The following CHN2 variants were observed in gnomAD, a reference collection of about 807,000 sequenced individuals.
CHN2 encodes beta-chimaerin.
CHN2 carries 35 observed loss-of-function variants against 56.3 expected under a neutral mutation model. The observed-to-expected ratio is 0.62, with a 90% CI of 0.47 to 0.82. The LOEUF (loss-of-function observed/expected upper bound fraction) is 0.82. Ranked by LOEUF, CHN2 falls within the 40% of genes least tolerant of loss-of-function variation. The pLI is 0.00. For missense variants in CHN2, 491 were observed against 580.5 expected (o/e 0.85, Z 1.58); for synonymous variants, 210 against 212.8 (o/e 0.99, Z 0.12).
intron 1 of CHN2, among the ~76,000 whole-genome samples, chr7:29,220,158 A>G (rs1425320871): frequency 6.6e-6 from 1 of 151,942 alleles, no homozygotes; most frequent in Non-Finnish European, 1.5e-5. Flanking sequence ...GAAAATAATC[A>G]GCAAATTAAA....
chr7:29,329,130 G>C (rs1200215324), intron 1 of CHN2, among the ~76,000 whole-genome samples: 1 of 152,046 alleles, frequency 6.6e-6, no homozygotes, highest in Non-Finnish European at 1.5e-5. Flanking sequence ...CAAAATGAAT[G>C]GGACAGCAGA....
intron 1 of CHN2, among the ~76,000 whole-genome samples, chr7:29,219,967 C>T (rs529422420): frequency 7.0e-4 from 106 of 152,016 alleles, no homozygotes; most frequent in South Asian, 2.7e-3. Flanking sequence ...CCCAGCTACT[C>T]GGGAGGCTGA....
chr7:29,248,765 TCTA>T, intron 1 of CHN2, among the ~76,000 whole-genome samples: 1 of 152,182 alleles, frequency 6.6e-6, no homozygotes, highest in African/African-American at 2.4e-5. Context: ...ATTCTCAGGC[TCTA>T]CTTTGAGAGA....
intron 1 of CHN2, among the ~76,000 whole-genome samples, chr7:29,342,477 T>C (rs1797116593): frequency 1.3e-5 from 2 of 152,224 alleles, no homozygotes; most frequent in South Asian, 2.1e-4. Context: ...CCATGATCTA[T>C]GGGTTGCTTT....
chr7:29,486,960 T>C (rs1182208953), intron 7 of CHN2, among the ~76,000 whole-genome samples: 1 of 152,208 alleles, frequency 6.6e-6, no homozygotes, highest in African/African-American at 2.4e-5. Context: ...AAGAAGACTT[T>C]TTGCTTCCCG....
chr7:29,148,784 G>C (rs1448701717), intron 2 of CHN2: 1 of 152,194 alleles, frequency 6.6e-6, no homozygotes, highest in South Asian at 2.1e-4. Context: ...TTGTGGGGAA[G>C]GGATGAAGGG....
chr7:29,443,893 C>T (rs1783850089), intron 6 of CHN2, among the ~76,000 whole-genome samples: 1 of 152,134 alleles, frequency 6.6e-6, no homozygotes, highest in Admixed American at 6.5e-5. Flanking sequence ...AAGAACTAGA[C>T]AAGAACTTGT....
chr7:29,333,908 G>A (rs1315323884), intron 1 of CHN2, among the ~76,000 whole-genome samples: 2 of 152,058 alleles, frequency 1.3e-5, no homozygotes, highest in African/African-American at 2.4e-5. Flanking sequence ...TAGAAAATGC[G>A]CAGTGCTGTG....
At chr7:29,494,494 G>C (rs910428380) in intron 7 of CHN2, among the ~76,000 whole-genome samples, 3 of 152,096 alleles carry the variant, frequency 2.0e-5, no homozygotes, top group East Asian at 3.9e-4. Flanking sequence ...AGGCCTCTAA[G>C]TGAATTATGA....
chr7:29,454,430 G>A (rs1784611909), intron 6 of CHN2, among the ~76,000 whole-genome samples: 1 of 152,162 alleles, frequency 6.6e-6, no homozygotes, highest in South Asian at 2.1e-4. Flanking sequence ...GAGATTTTTT[G>A]TATGTGAAGG....
At chr7:29,209,086 G>A in intron 1 of CHN2, 1 of 142,548 alleles carries the variant, frequency 7.0e-6, no homozygotes, top group South Asian at 2.2e-4. Flanking sequence ...ATGCTTAGGT[G>A]TGAACCAATC....
chr7:29,323,991 G>A lies in CHN2; in HGVS notation c.50-30634G>A, dbSNP rs565370874. On this transcript the variant is annotated intron_variant, in intron 1 of 12. Transcript: ENST00000222792. ...TGCACTCCAGCCTGGGCGACAGAGCGAGACCCCGTCTCAAAAAAACAAAAC... is the reference window on the plus strand; with the variant it reads ...TGCACTCCAGCCTGGGCGACAGAGCAAGACCCCGTCTCAAAAAAACAAAAC... Among the ~76,000 whole-genome samples the A allele has an allele frequency of 2.1e-3, 322 of 151,506 alleles. 1 individual carries two copies. The highest frequency in any genetic ancestry group is 3.5e-3 in the Non-Finnish European group (241 of 67,920).
At chr7:29,195,030 C>G in intron 1 of CHN2, 40 bp downstream of exon 1, 1 of 1,569,760 alleles carries the variant, frequency 6.4e-7, no homozygotes, top group Non-Finnish European at 8.6e-7. Context: ...CGCGCCGGGT[C>G]TCGCCCCACT....
chr7:29,194,034 T>C (rs576926933), upstream of CHN2: 2 of 152,126 alleles, frequency 1.3e-5, no homozygotes, highest in South Asian at 2.1e-4. Context: ...TGGAGAGGAG[T>C]GGAAGGAGCG....
intron 1 of CHN2, among the ~76,000 whole-genome samples, chr7:29,321,744 A>G (rs1162348426): frequency 1.3e-5 from 2 of 151,700 alleles, no homozygotes; most frequent in African/African-American, 4.8e-5. Context: ...CTAATTTCAT[A>G]TTTTTAGTAG....
chr7:29,474,994 A>G (rs3793255), intron 6 of CHN2, among the ~76,000 whole-genome samples: 99,744 of 151,836 alleles, frequency 0.66, 32,852 homozygotes, highest in East Asian at 0.77. Flanking sequence ...TGAGAGGGGT[A>G]TTTGTCTTTC....
intron 1 of CHN2, among the ~76,000 whole-genome samples, chr7:29,258,907 G>A (rs867238297): frequency 3.9e-5 from 6 of 151,980 alleles, no homozygotes; most frequent in African/African-American, 1.5e-4. Flanking sequence ...TATGTATTAG[G>A]TTATTGCCTG....
At chr7:29,152,259 G>C (rs1226074133) in intron 2 of CHN2, among the ~76,000 whole-genome samples, 3 of 152,182 alleles carry the variant, frequency 2.0e-5, no homozygotes, top group South Asian at 2.1e-4. Flanking sequence ...ATGCGTGGCA[G>C]CTCAGGCTAG....
At chr7:29,336,924 A>T (rs1003473442) in intron 1 of CHN2, among the ~76,000 whole-genome samples, 1 of 151,982 alleles carries the variant, frequency 6.6e-6, no homozygotes, top group African/African-American at 2.4e-5. Context: ...CCCAGCTCCA[A>T]TGTCATCTCC....
Sources: allele counts gnomAD v4.1 joint callset (sites outside exome capture counted in the v4.1 genomes callset), GRCh38; gene constraint gnomAD v4.1.1; transcripts MANE v1.5; gene names NCBI Gene and HGNC (gene_info 2026-07-23, HGNC 2026-07-21).